The following KALRN variants were observed in gnomAD, a reference collection of about 807,000 sequenced individuals.
KALRN encodes kalirin RhoGEF kinase, also known as kalirin.
Under a neutral mutation model 353.7 loss-of-function variants are expected in KALRN, and 70 were observed. That is an observed-to-expected ratio of 0.20 (90% confidence interval 0.16 to 0.24). KALRN has a LOEUF of 0.24. Among genes scored for constraint, KALRN ranks in the 10% least tolerant of loss-of-function variants. The probability of loss-of-function intolerance (pLI) is 1.00; values close to 1 mark genes in which losing one functional copy is unlikely to be tolerated. For missense variants in KALRN, 2,791 were observed against 3,756.7 expected (o/e 0.74, Z 6.72); for synonymous variants, 1,391 against 1,434.8 (o/e 0.97, Z 0.69).
intron 1 of KALRN, among the ~76,000 whole-genome samples, chr3:124,151,149 C>A (rs1176603792): frequency 6.6e-6 from 1 of 152,118 alleles, no homozygotes; most frequent in Admixed American, 6.5e-5. Flanking sequence ...TGGATACTCT[C>A]GTACATATCT....
In KALRN at chr3:124,725,428, G is replaced by A. The variant is rs1266187523; in HGVS notation, c.*5958G>A. 1 of 152,216 alleles carries A rather than the reference G, an allele frequency of 6.6e-6. No individual in the cohort carries two copies. Among genetic ancestry groups the A allele is most frequent in the Non-Finnish European group, 1.5e-5 (1 of 68,036 alleles). 9.4% of individuals were successfully genotyped at this position (152,216 alleles called of 1,614,324 possible). ...ATAATGAGATCCTGTTCAGAGAACA[G>A]TAGTGATCAAAGTGCAAACTGTTGG... is the stretch of plus-strand genomic sequence containing the variant. On this transcript the variant is annotated 3_prime_UTR_variant, in exon 60 of 60. Coordinates refer to ENST00000682506, the MANE Select transcript of KALRN (RefSeq NM_001388419.1).
intron 57 of KALRN, among the ~76,000 whole-genome samples, chr3:124,706,176 G>C (rs1465930597): frequency 6.6e-6 from 1 of 152,156 alleles, no homozygotes; most frequent in Admixed American, 6.6e-5. Context: ...CAAAGTGCTG[G>C]GATTGCAGGC....
At chr3:124,669,207 A>G (rs138170336) in intron 47 of KALRN, among the ~76,000 whole-genome samples, 1 of 152,322 alleles carries the variant, frequency 6.6e-6, no homozygotes, top group East Asian at 1.9e-4. Context: ...ATCCACAGCT[A>G]TAGGACTTCA....
intron 34 of KALRN, among the ~76,000 whole-genome samples, chr3:124,594,441 G>A (rs1474511001): frequency 6.6e-6 from 1 of 152,156 alleles, no homozygotes; most frequent in African/African-American, 2.4e-5. Context: ...GGCCAGGATG[G>A]TCTCGATCTC....
rs140504399 is a variant in KALRN, at chr3:124,341,612, T to C, written c.1648-5531T>C. 2.0e-3 allele frequency among the ~76,000 whole-genome samples: 300 copies of C among 151,762 alleles called. 1 individual carries two copies. Among genetic ancestry groups the C allele is most frequent in the African/African-American group, 6.5e-3 (269 of 41,332 alleles). On this transcript the variant is annotated intron_variant, in intron 9 of 59. Coordinates refer to ENST00000682506, the MANE Select transcript of KALRN (RefSeq NM_001388419.1). ...GACTGAGATAGAGTTACAGTGGGAG[T>C]GTAGAGCAGGAGATGTTCACTCCAA...
chr3:124,628,185 CTTCA>C (rs1561462960), intron 34 of KALRN, among the ~76,000 whole-genome samples: 1 of 52,682 alleles, frequency 1.9e-5, no homozygotes. Context: ...TCCCTCCCTC[CTTCA>C]TTCCCTCCCT....
intron 12 of KALRN, among the ~76,000 whole-genome samples, chr3:124,396,506 G>C (rs193023098): frequency 3.3e-5 from 5 of 152,110 alleles, no homozygotes; most frequent in Non-Finnish European, 4.4e-5. Flanking sequence ...ATTTGCTTCC[G>C]AAGAGAATTC....
intron 10 of KALRN, among the ~76,000 whole-genome samples, chr3:124,376,927 A>C (rs1193532293): frequency 1.3e-5 from 2 of 152,074 alleles, no homozygotes; most frequent in African/African-American, 4.8e-5. Flanking sequence ...TTGCAAAAGA[A>C]AAAAAAAGGC....
chr3:124,708,909 C>G (rs2062763844), intron 57 of KALRN, among the ~76,000 whole-genome samples: 1 of 151,822 alleles, frequency 6.6e-6, no homozygotes, highest in Admixed American at 6.6e-5. Flanking sequence ...TTAGGTAGAA[C>G]AGTGACTCGA....
intron 13 of KALRN, among the ~76,000 whole-genome samples, chr3:124,399,828 A>G (rs1325088734): frequency 6.6e-6 from 1 of 152,196 alleles, no homozygotes; most frequent in East Asian, 1.9e-4. Flanking sequence ...CTTCCTTCAC[A>G]TAATTTCCCC....
chr3:124,403,291 C>T (rs1264697172), intron 13 of KALRN, among the ~76,000 whole-genome samples: 3 of 152,110 alleles, frequency 2.0e-5, no homozygotes, highest in African/African-American at 7.2e-5. Context: ...AATATATATA[C>T]ACATATATGC....
intron 33 of KALRN, among the ~76,000 whole-genome samples, chr3:124,541,997 A>C (rs992537978): frequency 2.6e-5 from 4 of 152,154 alleles, no homozygotes; most frequent in African/African-American, 9.7e-5. Flanking sequence ...AAAAGCCCAG[A>C]TCTTCTTAGG....
At chr3:124,459,687 T>C (rs946379383) in intron 23 of KALRN, among the ~76,000 whole-genome samples, 3 of 152,212 alleles carry the variant, frequency 2.0e-5, no homozygotes, top group African/African-American at 7.2e-5. Context: ...AACACATATC[T>C]AGAGATTTCT....
At chr3:124,561,221 G>A (rs2071965676) in intron 33 of KALRN, among the ~76,000 whole-genome samples, 1 of 152,182 alleles carries the variant, frequency 6.6e-6, no homozygotes, top group Admixed American at 6.5e-5. Context: ...ATAGCACCAG[G>A]AGAGTGGGGG....
Position 124,446,237 on chromosome 3 carries a change from A to G in KALRN, c.3390A>G (p.Gln1130=), listed in dbSNP as rs967863212. The change falls in exon 20 of 60, where the codon CAA becomes CAG. Residue 1130 remains glutamine (Q), a synonymous_variant. Coordinates refer to ENST00000682506, the MANE Select transcript of KALRN (RefSeq NM_001388419.1). ...CCTTGAAGAAGCGGCGGTTAGACCA[A>G]TGCCAGCAATATGTGGTGTTCGAGC... The part of the protein sequence containing the change: ...FWTLKKRRLD[Q]CQQYVVFERS... 6.2e-7 allele frequency: 1 copy of G among 1,614,076 alleles called. No homozygotes were observed. The highest frequency in any genetic ancestry group is 2.2e-5 in the East Asian group (1 of 44,878).
intron 25 of KALRN, among the ~76,000 whole-genome samples, chr3:124,463,628 A>T (rs2107727632): frequency 6.6e-6 from 1 of 152,328 alleles, no homozygotes; most frequent in East Asian, 1.9e-4. Context: ...ATAGATTCAG[A>T]TTTAAATAGA....
intron 14 of KALRN, among the ~76,000 whole-genome samples, chr3:124,420,010 G>A (rs1213597224): frequency 1.3e-5 from 2 of 152,092 alleles, no homozygotes; most frequent in Admixed American, 6.5e-5. Flanking sequence ...AGTGGGAGAG[G>A]GGGTAATTTC....
intron 34 of KALRN, among the ~76,000 whole-genome samples, chr3:124,615,670 T>C (rs1282022272): frequency 6.6e-6 from 1 of 152,218 alleles, no homozygotes; most frequent in East Asian, 1.9e-4. Context: ...TTTAAAGAAC[T>C]GGTGCCAGTG....
intron 34 of KALRN, among the ~76,000 whole-genome samples, chr3:124,578,922 C>T (rs1199187542): frequency 6.6e-6 from 1 of 152,182 alleles, no homozygotes; most frequent in Non-Finnish European, 1.5e-5. Context: ...GATCACGGCT[C>T]ACCAAGCCTA....
Sources: gnomAD v4.1 joint callset for allele counts (sites outside exome capture counted in the v4.1 genomes callset) on GRCh38, gnomAD v4.1.1 for gene constraint, MANE v1.5 for transcripts, NCBI Gene and HGNC (gene_info 2026-07-23, HGNC 2026-07-21) for gene names.